NOTCH2NLB: variants seen among roughly 807,000 people sequenced by gnomAD.
NOTCH2NLB encodes the protein notch homolog 2 N-terminal-like protein B.
A neutral mutation model predicts 14.8 loss-of-function variants in NOTCH2NLB; 1 was observed. That is an observed-to-expected ratio of 0.07 (90% CI 0.02 to 0.32). The LOEUF (loss-of-function observed/expected upper bound fraction) is 0.32, where lower values mean the gene tolerates loss of function less well. Among genes scored for constraint, NOTCH2NLB ranks in the 10% least tolerant of loss-of-function variants. The pLI is 1.00. For synonymous variants in NOTCH2NLB, 6 were observed against 57.5 expected (o/e 0.10, Z 4.05); for missense variants, 11 against 155.0 (o/e 0.07, Z 4.93).
chr1:148,697,514 TGAAAA>T, the NOTCH2NLB span, among the ~76,000 whole-genome samples: 160 of 14,582 alleles, frequency 0.011, no homozygotes, highest in African/African-American at 0.033. Flanking sequence ...TAGGGATTTA[TGAAAA>T]GAAAAGTTGG....
intron 2 of NOTCH2NLB, among the ~76,000 whole-genome samples, chr1:148,622,307 T>G (rs1346318755): frequency 9.1e-6 from 1 of 110,100 alleles, no homozygotes; most frequent in Admixed American, 8.4e-5. Flanking sequence ...AAGTTGGAGG[T>G]TGCAGTGAGC....
downstream of NOTCH2NLB, among the ~76,000 whole-genome samples, chr1:148,604,985 ACACAC>A (rs1183007823): frequency 1.4e-5 from 2 of 144,378 alleles, no homozygotes; most frequent in African/African-American, 2.7e-5. Flanking sequence ...ACACACACAC[ACACAC>A]ATTGATATGT....
intron 1 of NOTCH2NLB, among the ~76,000 whole-genome samples, chr1:148,670,539 A>AAAAAATAT (rs1445301786): frequency 1.1e-5 from 1 of 93,482 alleles, no homozygotes; most frequent in African/African-American, 4.3e-5. Flanking sequence ...TAAAAAAAAA[A>AAAAAATAT]ATATATATAT....
chr1:148,604,902 C>G (rs1663459021), downstream of NOTCH2NLB, among the ~76,000 whole-genome samples: 1 of 138,538 alleles, frequency 7.2e-6, no homozygotes, highest in African/African-American at 2.7e-5. Flanking sequence ...CCCTGAAAAG[C>G]AAGAACTAGT....
intron 3 of NOTCH2NLB, among the ~76,000 whole-genome samples, chr1:148,613,386 C>G (rs1261047823): frequency 6.6e-6 from 1 of 150,394 alleles, no homozygotes; most frequent in Non-Finnish European, 1.5e-5. Flanking sequence ...AAATATTGAT[C>G]TTGGGTGTGT....
At chr1:148,707,879 T>G in the NOTCH2NLB span, among the ~76,000 whole-genome samples, 1 of 109,874 alleles carries the variant, frequency 9.1e-6, no homozygotes, top group East Asian at 3.4e-4. Flanking sequence ...AACCTATACC[T>G]GTAACCATAT....
At chr1:148,703,545 A>T in the NOTCH2NLB span, among the ~76,000 whole-genome samples, 1 of 18,388 alleles carries the variant, frequency 5.4e-5, no homozygotes, top group Non-Finnish European at 1.1e-4. Context: ...AAAGCCTGCT[A>T]TATTTAGGGA....
Position 148,609,066 on chromosome 1 carries a change from A to C in NOTCH2NLB, c.338-1321T>G, listed in dbSNP as rs1400911470. ...ATTAGTCTAAGTAGCTTATTATTTA[A>C]ACTACAGAGATAAGAACTCCTTGAA... On this transcript the variant is annotated intron_variant, in intron 3 of 4. Coordinates refer to ENST00000593495, the Ensembl canonical transcript of NOTCH2NLB. 2.3e-5 allele frequency among the ~76,000 whole-genome samples: 3 copies of C among 130,694 alleles called. 1 individual carries two copies. The highest frequency in any genetic ancestry group is 7.5e-3 in the Middle Eastern group (2 of 268). The allele number at this position is 130,694 out of a possible 152,430, so 85.7% of individuals were successfully genotyped here.
chr1:148,605,046 T>C (rs1663468322), downstream of NOTCH2NLB, among the ~76,000 whole-genome samples: 2 of 141,516 alleles, frequency 1.4e-5, no homozygotes, highest in African/African-American at 2.7e-5. Context: ...GGTTTTCTTA[T>C]AACATGAACA....
At chr1:148,612,890 GA>G (rs1291613507) in intron 3 of NOTCH2NLB, among the ~76,000 whole-genome samples, 11 of 83,156 alleles carry the variant, frequency 1.3e-4, no homozygotes, top group Non-Finnish European at 2.2e-4. Context: ...TCTCCATCAG[GA>G]AAAAAAAAAA....
intron 1 of NOTCH2NLB, among the ~76,000 whole-genome samples, chr1:148,651,151 A>G (rs1664494649): frequency 1.2e-5 from 1 of 80,058 alleles, no homozygotes; most frequent in East Asian, 4.8e-4. Context: ...TGAGAAAAAA[A>G]AAAAAAAAAA....
At chr1:148,610,323 GAGAA>G (rs1294416962) in intron 3 of NOTCH2NLB, among the ~76,000 whole-genome samples, 6,612 of 45,542 alleles carry the variant, frequency 0.15, 828 homozygotes, top group East Asian at 0.24. Context: ...GAGAAAGAGA[GAGAA>G]AGAAAGAAAG....
intron 1 of NOTCH2NLB, among the ~76,000 whole-genome samples, chr1:148,661,544 A>T (rs1175127578): frequency 6.7e-6 from 1 of 149,898 alleles, no homozygotes; most frequent in African/African-American, 2.4e-5. Flanking sequence ...CTATGAAAAA[A>T]TTGTATGTAT....
chr1:148,600,327 T>C, the NOTCH2NLB span, among the ~76,000 whole-genome samples: 1 of 150,712 alleles, frequency 6.6e-6, no homozygotes, highest in Non-Finnish European at 1.5e-5. Flanking sequence ...GTTAAAAACA[T>C]TTGGGCTGAA....
chr1:148,658,528 C>G (rs1664567890), intron 1 of NOTCH2NLB, among the ~76,000 whole-genome samples: 2 of 87,512 alleles, frequency 2.3e-5, no homozygotes, highest in Non-Finnish European at 2.2e-5. Context: ...TGTGGCTTTG[C>G]AATTAGACAG....
At position 148,638,559 on chromosome 1, in the gene NOTCH2NLB, GT is replaced by G. The variant is rs1312653557; in HGVS notation, c.77+1456del. Among the ~76,000 whole-genome samples, 21 of 144,864 alleles carry G rather than the reference GT, an allele frequency of 1.4e-4. 1 individual carries two copies. The highest frequency in any genetic ancestry group is 2.3e-4 in the African/African-American group (9 of 39,612). ...ATTCTTAGAGGAGAATGCACCACAT[GT>G]TTTTTTTCCCCCAGCTAGAAAAACT... is the stretch of plus-strand genomic sequence containing the variant. On this transcript the variant is annotated intron_variant, in intron 2 of 4. Transcript: ENST00000593495.
intron 1 of NOTCH2NLB, among the ~76,000 whole-genome samples, chr1:148,651,159 AAAAATATATAT>A (rs1338196913): frequency 1.5e-3 from 70 of 47,922 alleles, no homozygotes; most frequent in Middle Eastern, 0.014. Context: ...AAAAAAAAAA[AAAAATATATAT>A]ATATATATAT....
chr1:148,615,180 G>A (rs1232264594), intron 3 of NOTCH2NLB, among the ~76,000 whole-genome samples: 19 of 138,230 alleles, frequency 1.4e-4, no homozygotes, highest in African/African-American at 4.5e-4. Context: ...TGTCACCCAG[G>A]CTAGAGTGCA....
chr1:148,693,015 C>G, the NOTCH2NLB span, among the ~76,000 whole-genome samples: 3 of 138,194 alleles, frequency 2.2e-5, no homozygotes, highest in Non-Finnish European at 4.6e-5. Context: ...AGCAGACAGC[C>G]ATTTGCCTTC....
Sources: allele counts gnomAD v4.1 joint callset (sites outside exome capture counted in the v4.1 genomes callset), GRCh38; gene constraint gnomAD v4.1.1; transcripts MANE v1.5; gene names NCBI Gene and HGNC (gene_info 2026-07-23, HGNC 2026-07-21).